Variants in CSMD3 observed in about 807,000 individuals in gnomAD.
CSMD3 encodes CUB and Sushi multiple domains 3.
In CSMD3, 177 loss-of-function variants were observed where a neutral mutation model predicts 435.2. That is an observed-to-expected ratio of 0.41 (90% CI 0.36 to 0.46). CSMD3 has a LOEUF of 0.46. Ranked by LOEUF, CSMD3 falls within the 20% of genes least tolerant of loss-of-function variation. The probability of loss-of-function intolerance (pLI) is 0.34; values close to 1 mark genes in which losing one functional copy is unlikely to be tolerated. For missense variants in CSMD3, 4,265 were observed against 4,504.6 expected (o/e 0.95, Z 1.52); for synonymous variants, 1,656 against 1,520.5 (o/e 1.09, Z -2.07).
intron 32 of CSMD3, among the ~76,000 whole-genome samples, chr8:112,459,994 G>A (rs909690299): frequency 2.6e-5 from 4 of 151,972 alleles, no homozygotes; most frequent in African/African-American, 9.7e-5. Flanking sequence ...TTTCTGTCAC[G>A]GTTATCCCCA....
At chr8:113,281,996 G>C (rs2093616114) in intron 2 of CSMD3, among the ~76,000 whole-genome samples, 1 of 151,944 alleles carries the variant, frequency 6.6e-6, no homozygotes, top group Non-Finnish European at 1.5e-5. Context: ...GGAGGCTGAA[G>C]ATAGGCACCA....
chr8:113,059,680 G>T (rs1241918357), intron 5 of CSMD3, among the ~76,000 whole-genome samples: 1 of 152,148 alleles, frequency 6.6e-6, no homozygotes, highest in Non-Finnish European at 1.5e-5. Context: ...TTGCTAATTA[G>T]CTTAAGTTTC....
chr8:112,645,213 C>A lies in CSMD3; in HGVS notation c.3206G>T (p.Gly1069Val). Residue 1069 changes from glycine to valine, a missense_variant, in exon 20 of 71, where the codon GGA becomes GTA. Coordinates refer to ENST00000297405, the MANE Select transcript of CSMD3 (RefSeq NM_198123.2). ...TGTTCCACTAGGCCCTCTAACATCTCCTCCACATAATGCTGAAATACAAAG... is the reference window on the plus strand; with the variant it reads ...TGTTCCACTAGGCCCTCTAACATCTACTCCACATAATGCTGAAATACAAAG... Reference protein sequence around the residue: ...PLPTCDALCGGDVRGPSGTIL... With the variant: ...PLPTCDALCGVDVRGPSGTIL... 6.4e-7 allele frequency: 1 copy of A among 1,558,534 alleles called. No individual in the cohort carries two copies. The highest frequency in any genetic ancestry group is 8.9e-7 in the Non-Finnish European group (1 of 1,129,474).
In CSMD3 at chr8:113,096,485, C is replaced by T. The variant is rs565392696; in HGVS notation, c.917+2271G>A. Among the ~76,000 whole-genome samples the T allele has an allele frequency of 3.3e-5, 5 of 152,204 alleles. No homozygotes were observed. In the South Asian group the frequency reaches 1.0e-3, roughly 32 times the overall value. On this transcript the variant is annotated intron_variant, in intron 5 of 70. Coordinates refer to ENST00000297405, the MANE Select transcript of CSMD3 (RefSeq NM_198123.2). ...TTTCATAATTATAAACTCTCACTTA[C>T]ATACCACAAATAATGTCTGTTCTTT... is the stretch of plus-strand genomic sequence containing the variant.
chr8:113,048,270 T>G (rs1189553185), intron 5 of CSMD3, among the ~76,000 whole-genome samples: 2 of 152,036 alleles, frequency 1.3e-5, no homozygotes, highest in Non-Finnish European at 2.9e-5. Flanking sequence ...TTTGTTTGTA[T>G]TTTTAGTAGA....
intron 1 of CSMD3, among the ~76,000 whole-genome samples, chr8:113,405,306 C>T (rs7839352): frequency 0.76 from 114,780 of 151,320 alleles, 43,840 homozygotes; most frequent in East Asian, 0.94. Flanking sequence ...ATTTGAATGA[C>T]ATCTCTGTCA....
chr8:113,297,988 T>G (rs2093734957), intron 2 of CSMD3, among the ~76,000 whole-genome samples: 1 of 152,082 alleles, frequency 6.6e-6, no homozygotes, highest in East Asian at 1.9e-4. Flanking sequence ...TGATACACAG[T>G]AAAGCTGGAT....
At chr8:112,989,040 A>G (rs2131006625) in intron 6 of CSMD3, among the ~76,000 whole-genome samples, 1 of 152,104 alleles carries the variant, frequency 6.6e-6, no homozygotes, top group South Asian at 2.1e-4. Flanking sequence ...GGCAACAAGA[A>G]TTTGTCGAGT....
intron 3 of CSMD3, among the ~76,000 whole-genome samples, chr8:113,276,815 T>C (rs1382130172): frequency 1.3e-5 from 2 of 152,048 alleles, no homozygotes; most frequent in African/African-American, 4.8e-5. Context: ...TTCAGTACTA[T>C]CTGAATGTCA....
At chr8:112,765,976 T>G (rs1037105044) in intron 13 of CSMD3, among the ~76,000 whole-genome samples, 2 of 151,690 alleles carry the variant, frequency 1.3e-5, no homozygotes, top group Non-Finnish European at 3.0e-5. Context: ...AGTGTTTAGT[T>G]TCTTTTATGC....
chr8:113,080,836 T>C (rs756534834), intron 5 of CSMD3, among the ~76,000 whole-genome samples: 1 of 152,208 alleles, frequency 6.6e-6, no homozygotes, highest in Non-Finnish European at 1.5e-5. Context: ...CTCACGATAT[T>C]TTTACATTCT....
intron 4 of CSMD3, among the ~76,000 whole-genome samples, chr8:113,161,908 T>G (rs1353320985): frequency 6.6e-6 from 1 of 152,158 alleles, no homozygotes; most frequent in African/African-American, 2.4e-5. Flanking sequence ...CCAAAATTAT[T>G]AACACTTATA....
chr8:113,417,130 C>G (rs1474108867), intron 1 of CSMD3, among the ~76,000 whole-genome samples: 1 of 151,966 alleles, frequency 6.6e-6, no homozygotes, highest in Non-Finnish European at 1.5e-5. Flanking sequence ...GCAATGGTGC[C>G]TCTAAGAGTA....
intron 61 of CSMD3, among the ~76,000 whole-genome samples, chr8:112,256,614 T>A (rs1586559297): frequency 6.6e-6 from 1 of 152,112 alleles, no homozygotes; most frequent in East Asian, 1.9e-4. Flanking sequence ...TTCAAATATA[T>A]CAGACAACAC....
chr8:112,339,999 G>T (rs1255398013), intron 42 of CSMD3, among the ~76,000 whole-genome samples: 1 of 152,002 alleles, frequency 6.6e-6, no homozygotes, highest in Non-Finnish European at 1.5e-5. Context: ...GTTTTTCAAG[G>T]ATATATTAAC....
Position 113,150,592 on chromosome 8 carries a change from C to G in CSMD3, c.709+23130G>C, listed in dbSNP as rs1229078811. Among the ~76,000 whole-genome samples, 12 of 151,938 alleles carry G rather than the reference C, an allele frequency of 7.9e-5. No individual in the cohort carries two copies. The South Asian group carries it at 2.5e-3, about 31-fold the overall frequency. Reference sequence around the variant, plus strand: ...TGCGCATATTCCTGACCTACAGACACTATGAGATAATTTTTGCTTTTGTCT... The same window carrying G: ...TGCGCATATTCCTGACCTACAGACAGTATGAGATAATTTTTGCTTTTGTCT... On this transcript the variant is annotated intron_variant, in intron 4 of 70. Transcript: ENST00000297405.
chr8:112,412,013 CTATT>C (rs1404142502), intron 32 of CSMD3, among the ~76,000 whole-genome samples: 1 of 152,012 alleles, frequency 6.6e-6, no homozygotes, highest in African/African-American at 2.4e-5. Context: ...CTCTATGCAT[CTATT>C]TGTTTGTAAA....
rs1410734621 is a variant in CSMD3 at position 113,168,533 on chromosome 8, A to AG, written c.709+5188_709+5189insC. 2.1e-3 allele frequency among the ~76,000 whole-genome samples: 318 copies of AG among 149,280 alleles called. 5 individuals are homozygous for AG. Among genetic ancestry groups the AG allele is most frequent in the African/African-American group, 7.2e-3 (296 of 40,982 alleles). On this transcript the variant is annotated intron_variant, in intron 4 of 70. Coordinates refer to ENST00000297405, the MANE Select transcript of CSMD3 (RefSeq NM_198123.2). ...AGACTCTGTCTCAAAAAAAAAAAAA[A>AG]AAAAAAAAAAAAAACTACAGATTTT... is the stretch of plus-strand genomic sequence containing the variant.
intron 22 of CSMD3, among the ~76,000 whole-genome samples, chr8:112,605,586 T>C (rs1167360572): frequency 6.9e-6 from 1 of 145,920 alleles, no homozygotes; most frequent in East Asian, 2.0e-4. Context: ...TGAGTACACA[T>C]GGAAACAAAG....
Sources: allele counts gnomAD v4.1 joint callset (sites outside exome capture counted in the v4.1 genomes callset), GRCh38; gene constraint gnomAD v4.1.1; transcripts MANE v1.5; gene names NCBI Gene and HGNC (gene_info 2026-07-23, HGNC 2026-07-21).